LRPPRC: variants seen among roughly 807,000 people sequenced by gnomAD.
LRPPRC encodes the protein leucine rich pentatricopeptide repeat containing.
LRPPRC carries 120 observed loss-of-function variants against 180.3 expected under a neutral mutation model. The ratio of observed to expected loss-of-function variants is 0.67; its 90% CI spans 0.57 to 0.77. LRPPRC has a LOEUF of 0.77. LRPPRC is among the 30% of genes least tolerant of loss of function. LRPPRC has a pLI of 0.00. For missense variants in LRPPRC, 2,012 were observed against 1,657.2 expected, an observed-to-expected ratio of 1.21 and a Z score of -3.72; for synonymous variants, 723 against 600.0, an observed-to-expected ratio of 1.21 and a Z score of -3.00.
intron 27 of LRPPRC, among the ~76,000 whole-genome samples, chr2:43,921,142 A>C (rs1671685275): frequency 6.6e-6 from 1 of 152,132 alleles, no homozygotes; most frequent in Non-Finnish European, 1.5e-5. Context: ...AAATACAAAA[A>C]TTAGCCAGGT....
At chr2:43,916,522 A>G (rs1192638289) in intron 29 of LRPPRC, among the ~76,000 whole-genome samples, 2 of 152,236 alleles carry the variant, frequency 1.3e-5, no homozygotes, top group Non-Finnish European at 2.9e-5. Context: ...TATAGTAATT[A>G]ATGCCTTAAT....
chr2:43,961,962 C>T (rs905595445), intron 12 of LRPPRC, among the ~76,000 whole-genome samples: 1 of 151,936 alleles, frequency 6.6e-6, no homozygotes, highest in Non-Finnish European at 1.5e-5. Context: ...GACTCTGCCT[C>T]AAAAAACAAA....
At chr2:43,892,057 A>G (rs1203230350) in intron 36 of LRPPRC, among the ~76,000 whole-genome samples, 1 of 152,240 alleles carries the variant, frequency 6.6e-6, no homozygotes, top group Non-Finnish European at 1.5e-5. Flanking sequence ...ATACTAGCAG[A>G]GGCTGGTTCA....
intron 29 of LRPPRC, among the ~76,000 whole-genome samples, chr2:43,913,512 G>A (rs1275569727): frequency 6.6e-6 from 1 of 152,174 alleles, no homozygotes; most frequent in Non-Finnish European, 1.5e-5. Context: ...GGCGAAAATT[G>A]TTACGCTTCT....
intron 32 of LRPPRC, among the ~76,000 whole-genome samples, chr2:43,900,450 G>C (rs577393157): frequency 2.6e-5 from 4 of 152,120 alleles, no homozygotes; most frequent in Admixed American, 2.6e-4. Flanking sequence ...ACTTAATAGT[G>C]AATATGTTCT....
rs1672861167 is a variant in LRPPRC, at chr2:43,950,592, T to C, written c.1658A>G (p.Asn553Ser). 1 of 1,613,490 alleles carries C rather than the reference T, an allele frequency of 6.2e-7. No individual in the cohort carries two copies. The change falls in exon 15 of 38, where the codon AAT becomes AGT. Residue 553 changes from asparagine to serine, a missense_variant. Transcript: ENST00000260665. The stretch of plus-strand genomic sequence containing the variant: ...ACTTACCTCGCTCCAAAGATTTATA[T>C]TCATAGACCTGCAGAGGGCAGCAAA... Reference protein sequence around the residue: ...SLLLGFRRSMNINLWSEITEL... With the variant: ...SLLLGFRRSMSINLWSEITEL...
At chr2:43,889,919 C>A in intron 36 of LRPPRC, 43 bp from the exon 37 acceptor site, 1 of 1,464,480 alleles carries the variant, frequency 6.8e-7, no homozygotes. Flanking sequence ...ATAAAGACAA[C>A]CTATCTTACT....
At chr2:43,948,306 C>T in intron 17 of LRPPRC, 106 bp downstream of exon 17, 1 of 917,364 alleles carries the variant, frequency 1.1e-6, no homozygotes, top group Non-Finnish European at 1.8e-6. Context: ...CCAACTCTTG[C>T]ATGTCATTGA....
chr2:43,981,839 AAAGT>A (rs963755282), intron 2 of LRPPRC, among the ~76,000 whole-genome samples: 3 of 152,158 alleles, frequency 2.0e-5, no homozygotes, highest in African/African-American at 7.2e-5. Flanking sequence ...GGTTGATGCA[AAAGT>A]AATTGCAGCC....
chr2:43,892,867 G>A (rs1670541733), intron 36 of LRPPRC: 1 of 152,112 alleles, frequency 6.6e-6, no homozygotes, highest in Non-Finnish European at 1.5e-5. Context: ...TCTTCTGATG[G>A]ATCTGGGCAA....
At position 43,888,559 on chromosome 2, in the gene LRPPRC, G is replaced by A. The variant is rs1670353645; in HGVS notation, c.*41C>T. 1 of 1,239,454 alleles carries A rather than the reference G, an allele frequency of 8.1e-7. No homozygotes were observed. Among genetic ancestry groups the A allele is most frequent in the East Asian group, 2.3e-5 (1 of 43,096 alleles). The allele number at this position is 1,239,454 out of a possible 1,614,324, so 76.8% of individuals were successfully genotyped here. A position where few individuals can be genotyped will look rare whatever the true frequency, so the allele number is the denominator to read the frequency against. ...TACTTCAAAATAACATGTAGACACA[G>A]AATCACAAATATATACAAAACAAAG... On this transcript the variant is annotated 3_prime_UTR_variant, in exon 38 of 38. Transcript: ENST00000260665.
chr2:43,987,612 G>A (rs1020454263), intron 1 of LRPPRC, among the ~76,000 whole-genome samples: 3 of 150,768 alleles, frequency 2.0e-5, no homozygotes, highest in South Asian at 2.1e-4. Context: ...TTATTTTATT[G>A]GGCAAAGTCT....
At chr2:43,964,343 A>T (rs906225057) in intron 11 of LRPPRC, among the ~76,000 whole-genome samples, 2 of 152,206 alleles carry the variant, frequency 1.3e-5, no homozygotes, top group Non-Finnish European at 2.9e-5. Context: ...TCAGAGCTAC[A>T]GTGAGTTTCA....
Position 43,976,401 on chromosome 2 carries a change from C to T in LRPPRC, c.651-172G>A, listed in dbSNP as rs17031787. Among the ~76,000 whole-genome samples, 4,330 of 152,164 alleles carry T rather than the reference C, an allele frequency of 0.028. 235 individuals are homozygous for T. The highest frequency in any genetic ancestry group is 0.099 in the African/African-American group (4,096 of 41,504). On this transcript the variant is annotated intron_variant, in intron 5 of 37. Transcript: ENST00000260665. ...TCCCTTTGATCCCCTTCCCACAAAA[C>T]CCCACTCTCTAATGTATCAACAGTC...
chr2:43,959,056 C>A, intron 13 of LRPPRC: 2 of 553,620 alleles, frequency 3.6e-6, no homozygotes, highest in South Asian at 2.7e-5. Context: ...TGACAAAAAG[C>A]ATCTAGTTTC....
intron 25 of LRPPRC, among the ~76,000 whole-genome samples, chr2:43,933,512 T>A (rs964289392): frequency 6.6e-6 from 1 of 152,208 alleles, no homozygotes; most frequent in Non-Finnish European, 1.5e-5. Flanking sequence ...TTCTGCGGAA[T>A]GTTTTGTTTT....
At chr2:43,934,054 CT>C (rs1672184286) in intron 25 of LRPPRC, 135 bp downstream of exon 25, 1 of 633,254 alleles carries the variant, frequency 1.6e-6, no homozygotes, top group East Asian at 2.8e-5. Context: ...CGAGATCCCC[CT>C]CCCCCAACAT....
chr2:43,949,580 A>G (rs760360041), intron 16 of LRPPRC, 22 bp downstream of exon 16: 4 of 1,600,994 alleles, frequency 2.5e-6, no homozygotes, highest in African/African-American at 2.7e-5. Flanking sequence ...ATAAGTTACA[A>G]TCATCGAAAT....
At chr2:43,902,857 G>A (rs372253585) in intron 31 of LRPPRC, 21 of 152,276 alleles carry the variant, frequency 1.4e-4, no homozygotes, top group African/African-American at 5.1e-4. Context: ...ACAAAAATAA[G>A]ATTAATGATG....
Sources: gnomAD v4.1 joint callset for allele counts (sites outside exome capture counted in the v4.1 genomes callset) on GRCh38, gnomAD v4.1.1 for gene constraint, MANE v1.5 for transcripts, NCBI Gene and HGNC (gene_info 2026-07-23, HGNC 2026-07-21) for gene names.